PPM1H: variants seen among roughly 807,000 people sequenced by gnomAD.
PPM1H encodes the protein protein phosphatase 1H.
A neutral mutation model predicts 54.9 loss-of-function variants in PPM1H; 27 were observed. The ratio of observed to expected loss-of-function variants is 0.49; its 90% CI spans 0.36 to 0.68. The LOEUF is 0.68. Ranked by LOEUF, PPM1H falls within the 30% of genes least tolerant of loss-of-function variation. The pLI is 0.00. For missense variants in PPM1H, 596 were observed against 667.8 expected, an observed-to-expected ratio of 0.89 and a Z score of 1.19; for synonymous variants, 305 against 270.8, an observed-to-expected ratio of 1.13 and a Z score of -1.24.
At chr12:62,660,403 C>T (rs1035836076) in intron 9 of PPM1H, among the ~76,000 whole-genome samples, 6 of 152,156 alleles carry the variant, frequency 3.9e-5, no homozygotes, top group Non-Finnish European at 5.9e-5. Context: ...ACAGAAAGAA[C>T]AAAGCTGGAG....
chr12:62,655,797 G>A (rs891798491), intron 9 of PPM1H, among the ~76,000 whole-genome samples: 4 of 152,188 alleles, frequency 2.6e-5, no homozygotes, highest in African/African-American at 7.2e-5. Context: ...AGACAACTGC[G>A]GAGGAGTTTG....
chr12:62,715,509 T>A (rs952295195), intron 6 of PPM1H, among the ~76,000 whole-genome samples: 2 of 151,988 alleles, frequency 1.3e-5, no homozygotes, highest in Non-Finnish European at 2.9e-5. Flanking sequence ...CTGGTGACAA[T>A]AACCTTTTGT....
chr12:62,679,155 G>C (rs1143742), intron 8 of PPM1H, among the ~76,000 whole-genome samples: 1 of 149,996 alleles, frequency 6.7e-6, no homozygotes, highest in African/African-American at 2.5e-5. Context: ...CCCAGCTAAT[G>C]TTTGTATTTT....
chr12:62,671,054 T>C (rs2075953763), intron 8 of PPM1H, among the ~76,000 whole-genome samples: 1 of 152,196 alleles, frequency 6.6e-6, no homozygotes, highest in Admixed American at 6.5e-5. Flanking sequence ...AGGATTCCAC[T>C]GGGCTCCGGA....
intron 1 of PPM1H, among the ~76,000 whole-genome samples, chr12:62,851,188 C>T (rs887969515): frequency 2.0e-5 from 3 of 151,960 alleles, no homozygotes; most frequent in Admixed American, 1.3e-4. Context: ...ATTCCAGATA[C>T]GAGACAGTAA....
chr12:62,916,927 T>TAA (rs368118906), intron 1 of PPM1H, among the ~76,000 whole-genome samples: 7 of 132,070 alleles, frequency 5.3e-5, no homozygotes, highest in African/African-American at 1.4e-4. Flanking sequence ...ACCCTCTACT[T>TAA]AAAAAAAAAA....
intron 1 of PPM1H, among the ~76,000 whole-genome samples, chr12:62,916,228 G>A (rs1871617342): frequency 6.6e-6 from 1 of 152,204 alleles, no homozygotes; most frequent in South Asian, 2.1e-4. Context: ...TGAGTTAACT[G>A]AATGGTTTTC....
intron 1 of PPM1H, among the ~76,000 whole-genome samples, chr12:62,879,835 G>A (rs185919528): frequency 9.2e-5 from 14 of 152,056 alleles, no homozygotes; most frequent in African/African-American, 1.9e-4. Flanking sequence ...CTGGCCAGGC[G>A]CCTCTGCACA....
intron 1 of PPM1H, among the ~76,000 whole-genome samples, chr12:62,932,628 C>CTTTTTTTT (rs61003358): frequency 0.084 from 4,508 of 53,852 alleles, 1,359 homozygotes; most frequent in Middle Eastern, 0.11. Context: ...TCCAAATGGG[C>CTTTTTTTT]TTTTTTTTTT....
intron 1 of PPM1H, among the ~76,000 whole-genome samples, chr12:62,924,840 G>A (rs532717437): frequency 1.3e-5 from 2 of 151,958 alleles, no homozygotes; most frequent in African/African-American, 2.4e-5. Flanking sequence ...CCAGGAGTTC[G>A]AGACCAGCCT....
chr12:62,927,158 C>T (rs1332491678), intron 1 of PPM1H, among the ~76,000 whole-genome samples: 1 of 152,136 alleles, frequency 6.6e-6, no homozygotes, highest in Non-Finnish European at 1.5e-5. Flanking sequence ...TTGATACAAC[C>T]AATCTGATAT....
chr12:62,906,229 C>G (rs931902775), intron 1 of PPM1H, among the ~76,000 whole-genome samples: 3 of 152,180 alleles, frequency 2.0e-5, no homozygotes, highest in African/African-American at 4.8e-5. Context: ...GCACATTGCT[C>G]TAACACTGGA....
At chr12:62,782,612 C>A (rs373007054) in intron 4 of PPM1H, among the ~76,000 whole-genome samples, 2 of 152,190 alleles carry the variant, frequency 1.3e-5, no homozygotes, top group Admixed American at 6.5e-5. Context: ...ACTTTCCCTA[C>A]CCTTTCCTAG....
intron 7 of PPM1H, among the ~76,000 whole-genome samples, chr12:62,691,845 C>G (rs1183288161): frequency 6.6e-6 from 1 of 151,184 alleles, no homozygotes; most frequent in Non-Finnish European, 1.5e-5. Context: ...AAAGCAAAGC[C>G]TGGGGCCCTC....
intron 4 of PPM1H, among the ~76,000 whole-genome samples, chr12:62,779,186 C>T (rs189566448): frequency 2.6e-5 from 4 of 152,068 alleles, no homozygotes; most frequent in East Asian, 1.9e-4. Context: ...TACAGGCCCA[C>T]GCCACCATGC....
intron 8 of PPM1H, among the ~76,000 whole-genome samples, chr12:62,677,744 C>T (rs1353992384): frequency 6.6e-6 from 1 of 152,310 alleles, no homozygotes; most frequent in East Asian, 1.9e-4. Context: ...CCAAGCAAAA[C>T]TTGGGCAAAG....
At chr12:62,702,209 T>C (rs988766108) in intron 6 of PPM1H, among the ~76,000 whole-genome samples, 9 of 152,242 alleles carry the variant, frequency 5.9e-5, no homozygotes, top group Non-Finnish European at 1.0e-4. Context: ...TTAGTATATA[T>C]ACAAATAGTT....
intron 8 of PPM1H, among the ~76,000 whole-genome samples, chr12:62,687,294 G>T (rs1029433803): frequency 6.6e-6 from 1 of 152,036 alleles, no homozygotes; most frequent in Non-Finnish European, 1.5e-5. Flanking sequence ...TTGAGTCAGC[G>T]TCTCACTCTG....
chr12:62,830,545 G>A lies in PPM1H; in HGVS notation c.411+1569C>T, dbSNP rs541214946. Among the ~76,000 whole-genome samples, 76 of 151,878 alleles carry A rather than the reference G, an allele frequency of 5.0e-4. 1 individual carries two copies. Among genetic ancestry groups the A allele is most frequent in the East Asian group, 9.8e-4 (5 of 5,118 alleles). ...GCTGGGATTACAGGCGTGAGCCACC[G>A]CACCCAGCCTGTTATTCCTTTTTAG... On this transcript the variant is annotated intron_variant, in intron 2 of 9. Coordinates refer to ENST00000228705, the MANE Select transcript of PPM1H (RefSeq NM_020700.2).
Sources: gnomAD v4.1 joint callset for allele counts (sites outside exome capture counted in the v4.1 genomes callset) on GRCh38, gnomAD v4.1.1 for gene constraint, MANE v1.5 for transcripts, NCBI Gene and HGNC (gene_info 2026-07-23, HGNC 2026-07-21) for gene names.